Variants in ANKS1B observed in about 807,000 individuals in gnomAD.
The protein encoded by ANKS1B is ankyrin repeat and sterile alpha motif domain containing 1B.
Under a neutral mutation model 148.3 loss-of-function variants are expected in ANKS1B, and 36 were observed. The ratio of observed to expected loss-of-function variants is 0.24; its 90% confidence interval spans 0.19 to 0.32. The LOEUF (loss-of-function observed/expected upper bound fraction) is 0.32. Among genes scored for constraint, ANKS1B ranks in the 10% least tolerant of loss-of-function variants. ANKS1B has a pLI of 1.00. For synonymous variants in ANKS1B, 542 were observed against 560.8 expected, an observed-to-expected ratio of 0.97 and a Z score of 0.47; for missense variants, 1,157 against 1,542.6, an observed-to-expected ratio of 0.75 and a Z score of 4.19.
intron 10 of ANKS1B, among the ~76,000 whole-genome samples, chr12:99,457,669 A>G (rs559642500): frequency 6.6e-6 from 1 of 152,276 alleles, no homozygotes; most frequent in Admixed American, 6.5e-5. Context: ...AGCAGCAGTT[A>G]AAAAAGACAA....
chr12:99,577,363 G>GA (rs1567392190), intron 9 of ANKS1B, among the ~76,000 whole-genome samples: 3 of 149,110 alleles, frequency 2.0e-5, no homozygotes, highest in South Asian at 4.2e-4. Context: ...GCTAGCAGAA[G>GA]AAAAAAAATA....
At chr12:99,433,636 A>G (rs934828116) in intron 11 of ANKS1B, among the ~76,000 whole-genome samples, 1 of 152,196 alleles carries the variant, frequency 6.6e-6, no homozygotes, top group Non-Finnish European at 1.5e-5. Flanking sequence ...GCAGTGCTAT[A>G]TAAGTTAAGT....
intron 9 of ANKS1B, among the ~76,000 whole-genome samples, chr12:99,572,691 CA>C (rs142623640): frequency 0.012 from 1,897 of 152,016 alleles, 36 homozygotes; most frequent in African/African-American, 0.044. Flanking sequence ...AATTTTGAGG[CA>C]GCATTAAATG....
intron 10 of ANKS1B, among the ~76,000 whole-genome samples, chr12:99,486,850 T>A (rs958282819): frequency 6.6e-6 from 1 of 152,182 alleles, no homozygotes; most frequent in Non-Finnish European, 1.5e-5. Context: ...TGACTCTGTG[T>A]CTTATGCAAC....
intron 15 of ANKS1B, among the ~76,000 whole-genome samples, chr12:99,091,797 A>G (rs1035955729): frequency 1.2e-5 from 1 of 84,194 alleles, no homozygotes; most frequent in Non-Finnish European, 2.5e-5. Context: ...AATTCTCACA[A>G]TAACTCCTAT....
chr12:99,796,789 A>G (rs943469744), intron 4 of ANKS1B, among the ~76,000 whole-genome samples: 3 of 151,938 alleles, frequency 2.0e-5, no homozygotes, highest in Non-Finnish European at 4.4e-5. Context: ...AAGTAACCTC[A>G]ATTATGTTAA....
intron 1 of ANKS1B, among the ~76,000 whole-genome samples, chr12:99,972,653 T>G (rs2095573859): frequency 1.3e-5 from 2 of 152,186 alleles, no homozygotes. Flanking sequence ...CAAGGTGAAG[T>G]AGTTAAATGC....
intron 10 of ANKS1B, among the ~76,000 whole-genome samples, chr12:99,500,636 C>A (rs1442497253): frequency 2.6e-5 from 4 of 152,126 alleles, no homozygotes; most frequent in Non-Finnish European, 4.4e-5. Context: ...GGCATCATCT[C>A]CTTTATGTCT....
At chr12:99,500,177 A>G (rs2096641809) in intron 10 of ANKS1B, among the ~76,000 whole-genome samples, 1 of 152,172 alleles carries the variant, frequency 6.6e-6, no homozygotes, top group South Asian at 2.1e-4. Context: ...AGGTTTGGTA[A>G]GCAGGGTGAT....
intron 1 of ANKS1B, among the ~76,000 whole-genome samples, chr12:99,852,638 G>C (rs562359936): frequency 1.3e-5 from 2 of 152,220 alleles, no homozygotes; most frequent in Non-Finnish European, 2.9e-5. Flanking sequence ...GTACAGAGCA[G>C]CATGTGGAGA....
At chr12:99,737,684 C>A (rs1256532944) in intron 8 of ANKS1B, among the ~76,000 whole-genome samples, 2 of 152,046 alleles carry the variant, frequency 1.3e-5, no homozygotes, top group African/African-American at 4.8e-5. Context: ...TCTTTTGCAT[C>A]CTTGAAATTT....
At chr12:99,368,253 T>C (rs1054046542) in intron 12 of ANKS1B, among the ~76,000 whole-genome samples, 42 of 152,164 alleles carry the variant, frequency 2.8e-4, no homozygotes, top group African/African-American at 9.9e-4. Flanking sequence ...GGGGCAAAGG[T>C]TGAATAACTA....
At chr12:99,870,350 C>T (rs934309430) in intron 1 of ANKS1B, among the ~76,000 whole-genome samples, 3 of 152,146 alleles carry the variant, frequency 2.0e-5, no homozygotes, top group African/African-American at 7.2e-5. Flanking sequence ...TTGACAGGCA[C>T]CTCGGTTGAT....
chr12:99,483,428 C>T (rs1450669859), intron 10 of ANKS1B, among the ~76,000 whole-genome samples: 1 of 151,652 alleles, frequency 6.6e-6, no homozygotes, highest in Non-Finnish European at 1.5e-5. Context: ...TTTGCATCTA[C>T]GTTCATCAGG....
intron 1 of ANKS1B, among the ~76,000 whole-genome samples, chr12:99,926,304 C>A (rs188776586): frequency 2.0e-5 from 3 of 152,220 alleles, no homozygotes; most frequent in East Asian, 3.9e-4. Flanking sequence ...ATTTAAGGTC[C>A]CCAGATACTT....
chr12:99,254,497 T>C (rs982471941), intron 12 of ANKS1B, among the ~76,000 whole-genome samples: 3 of 152,204 alleles, frequency 2.0e-5, no homozygotes, highest in Non-Finnish European at 2.9e-5. Flanking sequence ...ACGCTATTAC[T>C]TCTTGACAGA....
intron 1 of ANKS1B, among the ~76,000 whole-genome samples, chr12:99,968,049 A>G (rs1469018797): frequency 2.6e-5 from 4 of 152,230 alleles, no homozygotes; most frequent in Admixed American, 2.6e-4. Context: ...GAAGAAGCCA[A>G]AGAATGCCTT....
At chr12:99,903,955 A>C (rs1328703440) in intron 1 of ANKS1B, among the ~76,000 whole-genome samples, 1 of 152,180 alleles carries the variant, frequency 6.6e-6, no homozygotes, top group Non-Finnish European at 1.5e-5. Context: ...GTAAATTTGA[A>C]CTCAGACTAG....
intron 10 of ANKS1B, among the ~76,000 whole-genome samples, chr12:99,471,484 T>G (rs140234194): frequency 0.021 from 3,123 of 152,082 alleles, 40 homozygotes; most frequent in Middle Eastern, 0.041. Flanking sequence ...CAACCAGAAG[T>G]CCTTTTGTAA....
Sources: gnomAD v4.1 joint callset for allele counts (sites outside exome capture counted in the v4.1 genomes callset) on GRCh38, gnomAD v4.1.1 for gene constraint, MANE v1.5 for transcripts, NCBI Gene and HGNC (gene_info 2026-07-23, HGNC 2026-07-21) for gene names.